The following PTPRT variants were observed in gnomAD, a reference collection of about 807,000 sequenced individuals.
The protein encoded by PTPRT is receptor-type tyrosine-protein phosphatase T.
Under a neutral mutation model 176.8 loss-of-function variants are expected in PTPRT, and 56 were observed. That is an observed-to-expected ratio of 0.32 (90% confidence interval 0.26 to 0.40). PTPRT has a LOEUF of 0.40. Ranked by LOEUF, PTPRT falls within the 10% of genes least tolerant of loss-of-function variation. The pLI is 1.00. For synonymous variants in PTPRT, 783 were observed against 739.0 expected, an observed-to-expected ratio of 1.06 and a Z score of -0.96; for missense variants, 1,540 against 1,908.2, an observed-to-expected ratio of 0.81 and a Z score of 3.60.
intron 2 of PTPRT, among the ~76,000 whole-genome samples, chr20:42,823,225 A>C (rs950203912): frequency 6.6e-6 from 1 of 152,184 alleles, no homozygotes; most frequent in Non-Finnish European, 1.5e-5. Context: ...GAATGAGATC[A>C]TGTGCTTTGC....
At chr20:43,176,819 G>T (rs2015133775) in intron 1 of PTPRT, among the ~76,000 whole-genome samples, 1 of 152,082 alleles carries the variant, frequency 6.6e-6, no homozygotes, top group Non-Finnish European at 1.5e-5. Context: ...TTAGTATGAG[G>T]TCATCCAACA....
At chr20:43,112,795 C>T (rs2012916009) in intron 1 of PTPRT, among the ~76,000 whole-genome samples, 2 of 152,216 alleles carry the variant, frequency 1.3e-5, no homozygotes, top group Admixed American at 1.3e-4. Context: ...ACACTTGCTG[C>T]TTTCTCCAGC....
chr20:42,380,630 C>T (rs576122548), intron 9 of PTPRT, among the ~76,000 whole-genome samples: 1 of 152,308 alleles, frequency 6.6e-6, no homozygotes, highest in East Asian at 1.9e-4. Flanking sequence ...AGAAAATGAG[C>T]CTGCTTGGTC....
intron 1 of PTPRT, among the ~76,000 whole-genome samples, chr20:43,079,628 TG>T (rs2011383367): frequency 6.6e-6 from 1 of 152,190 alleles, no homozygotes; most frequent in Admixed American, 6.5e-5. Context: ...TGTATTACAG[TG>T]GTTGCTATTG....
At chr20:42,743,370 G>C (rs2076640282) in intron 6 of PTPRT, among the ~76,000 whole-genome samples, 1 of 152,154 alleles carries the variant, frequency 6.6e-6, no homozygotes, top group South Asian at 2.1e-4. Flanking sequence ...GGATCATATG[G>C]GTTAGGGGGG....
intron 7 of PTPRT, among the ~76,000 whole-genome samples, chr20:42,488,056 AC>A (rs1432998361): frequency 5.9e-5 from 9 of 152,262 alleles, no homozygotes; most frequent in Middle Eastern, 6.8e-3. Flanking sequence ...TCTGACATCC[AC>A]CCAGGCTGCT....
At chr20:42,266,529 C>T (rs2146983517) in intron 13 of PTPRT, among the ~76,000 whole-genome samples, 1 of 152,298 alleles carries the variant, frequency 6.6e-6, no homozygotes, top group South Asian at 2.1e-4. Context: ...TTCTCTACTG[C>T]AGCCTCCAGT....
chr20:42,788,755 G>A (rs1794126484), intron 3 of PTPRT, among the ~76,000 whole-genome samples: 1 of 152,200 alleles, frequency 6.6e-6, no homozygotes, highest in African/African-American at 2.4e-5. Flanking sequence ...GGATGAGAAT[G>A]AGCAGAACCA....
chr20:43,083,320 GTATATATATATATATA>G (rs779087395), intron 1 of PTPRT, among the ~76,000 whole-genome samples: 1,707 of 37,378 alleles, frequency 0.046, 117 homozygotes, highest in African/African-American at 0.1. Flanking sequence ...CACTTCAAAT[GTATATATATATATATA>G]TATATATATA....
At chr20:42,255,338 T>C (rs1220570982) in intron 13 of PTPRT, among the ~76,000 whole-genome samples, 1 of 152,298 alleles carries the variant, frequency 6.6e-6, no homozygotes, top group Admixed American at 6.5e-5. Context: ...GAATCAAATG[T>C]AATAATGGAG....
At chr20:42,087,335 G>C (rs554573321) in intron 27 of PTPRT, among the ~76,000 whole-genome samples, 3 of 152,028 alleles carry the variant, frequency 2.0e-5, no homozygotes, top group African/African-American at 7.2e-5. Flanking sequence ...GGTTCAAGTG[G>C]TTCTCCTGCC....
At chr20:43,045,349 CTTTA>C (rs1231727868) in intron 1 of PTPRT, among the ~76,000 whole-genome samples, 1 of 152,062 alleles carries the variant, frequency 6.6e-6, no homozygotes, top group Non-Finnish European at 1.5e-5. Flanking sequence ...ATAACCCAAT[CTTTA>C]TTTGTTTATT....
At chr20:42,661,855 T>C (rs1018034694) in intron 7 of PTPRT, among the ~76,000 whole-genome samples, 1 of 152,178 alleles carries the variant, frequency 6.6e-6, no homozygotes, top group African/African-American at 2.4e-5. Flanking sequence ...CCAAGCCAGG[T>C]TTGGGCTCAC....
intron 24 of PTPRT, 21 bp from the exon 25 acceptor site, chr20:42,104,739 GA>G (rs1986271755): frequency 1.3e-6 from 2 of 1,550,426 alleles, no homozygotes; most frequent in Admixed American, 3.3e-5. Context: ...AGAAGAGAGG[GA>G]ATGGGGTGCC....
In PTPRT at chr20:42,102,249, C is replaced by CA; in HGVS notation, c.3588dup (p.Gly1197TrpfsTer8). Reference sequence around the variant, plus strand: ...TTATCATGGTTCCGGGGCAGGAGCCCAATGCTGCAGTCCTCGGGCCGCACA... The same window carrying CA: ...TTATCATGGTTCCGGGGCAGGAGCCCAAATGCTGCAGTCCTCGGGCCGCACA... On this transcript the variant is annotated frameshift_variant, in exon 26 of 31. Coordinates refer to ENST00000373187, the MANE Select transcript of PTPRT (RefSeq NM_007050.6). LOFTEE classifies it high-confidence loss of function. 6.2e-7 allele frequency: 1 copy of CA among 1,614,150 alleles called. No individual in the cohort carries two copies. The highest frequency in any genetic ancestry group is 2.2e-5 in the East Asian group (1 of 44,878).
At chr20:42,244,683 G>A (rs1042135951) in intron 14 of PTPRT, among the ~76,000 whole-genome samples, 1 of 152,168 alleles carries the variant, frequency 6.6e-6, no homozygotes, top group African/African-American at 2.4e-5. Flanking sequence ...TCCAGGAAGT[G>A]TGTCCCAAGG....
chr20:43,050,672 G>A (rs1299366266), intron 1 of PTPRT, among the ~76,000 whole-genome samples: 1 of 152,198 alleles, frequency 6.6e-6, no homozygotes, highest in East Asian at 1.9e-4. Context: ...ACTTCTCTGA[G>A]CCTCATCTGA....
At chr20:42,613,543 A>G (rs1310423656) in intron 7 of PTPRT, among the ~76,000 whole-genome samples, 1 of 152,234 alleles carries the variant, frequency 6.6e-6, no homozygotes, top group Non-Finnish European at 1.5e-5. Flanking sequence ...GCCTAACAAG[A>G]AATGATTATT....
At chr20:42,432,363 C>T (rs985227368) in intron 9 of PTPRT, among the ~76,000 whole-genome samples, 2 of 152,244 alleles carry the variant, frequency 1.3e-5, no homozygotes, top group Non-Finnish European at 2.9e-5. Flanking sequence ...CCTGAGACCA[C>T]TGCTTGTTTT....
Sources: allele counts gnomAD v4.1 joint callset (sites outside exome capture counted in the v4.1 genomes callset), GRCh38; gene constraint gnomAD v4.1.1; transcripts MANE v1.5; gene names NCBI Gene and HGNC (gene_info 2026-07-23, HGNC 2026-07-21).